The following DYNC2I1 variants were observed in gnomAD, a reference collection of about 807,000 sequenced individuals.
DYNC2I1 encodes dynein 2 intermediate chain 1.
In DYNC2I1, 89 loss-of-function variants were observed where a neutral mutation model predicts 133.4. The ratio of observed to expected loss-of-function variants is 0.67; its 90% CI spans 0.56 to 0.80. The LOEUF is 0.80. DYNC2I1 is among the 30% of genes least tolerant of loss of function. DYNC2I1 has a pLI of 0.00. For synonymous variants in DYNC2I1, 504 were observed against 484.3 expected (o/e 1.04, Z -0.54); for missense variants, 1,291 against 1,314.5 (o/e 0.98, Z 0.28).
chr7:158,918,782 C>T lies in DYNC2I1; in HGVS notation c.1834C>T (p.Pro612Ser), dbSNP rs1848733652. ...GGAAGAGGATCGCTTGGCAGCTGAA[C>T]CCAGCTGGAATCTTAGGGCTCAAGA... Reference protein sequence around the residue: ...LLEEDRLAAEPSWNLRAQDRA... With the variant: ...LLEEDRLAAESSWNLRAQDRA... The change falls in exon 15 of 25, where the codon CCC becomes TCC. Residue 612 changes from proline (P) to serine (S), a missense_variant. Physicochemically the swap from Pro to Ser is moderately conservative, Grantham distance 74. Coordinates refer to ENST00000407559, the MANE Select transcript of DYNC2I1 (RefSeq NM_018051.5). 1 of 1,613,706 alleles carries T rather than the reference C, an allele frequency of 6.2e-7. No homozygotes were observed. The highest frequency in any genetic ancestry group is 1.3e-5 in the African/African-American group (1 of 75,006).
chr7:158,953,518 C>G (rs1435931775), intron 4 of DYNC2I1, among the ~76,000 whole-genome samples: 1 of 152,132 alleles, frequency 6.6e-6, no homozygotes, highest in African/African-American at 2.4e-5. Flanking sequence ...TTTGGGAGGC[C>G]AAGACAGAGG....
intron 4 of DYNC2I1, among the ~76,000 whole-genome samples, chr7:158,952,646 A>G (rs558367374): frequency 4.3e-4 from 64 of 148,132 alleles, no homozygotes; most frequent in African/African-American, 1.1e-3. Context: ...CAGCCGCATC[A>G]TAAGACAGAA....
chr7:158,916,952 A>G (rs374103897), intron 14 of DYNC2I1, among the ~76,000 whole-genome samples: 1 of 67,208 alleles, frequency 1.5e-5, no homozygotes, highest in Non-Finnish European at 3.4e-5. Context: ...GCTGGTTGAC[A>G]TTAAGGATGA....
chr7:158,919,607 C>T (rs979536057), intron 15 of DYNC2I1, among the ~76,000 whole-genome samples: 2 of 152,148 alleles, frequency 1.3e-5, no homozygotes, highest in Non-Finnish European at 2.9e-5. Flanking sequence ...AAACGTGCTT[C>T]GGGGCACGTG....
At chr7:158,858,936 TCCTTTCCTCCCCTCCCCTCC>T (rs1301811283) in intron 1 of DYNC2I1, among the ~76,000 whole-genome samples, 7 of 21,930 alleles carry the variant, frequency 3.2e-4, no homozygotes, top group Admixed American at 1.0e-3. Flanking sequence ...CCCTCCCCTT[TCCTTTCCTCCCCTCCCCTCC>T]CCTTTCCTCC....
intron 12 of DYNC2I1, among the ~76,000 whole-genome samples, 169 bp downstream of exon 12, chr7:158,911,848 G>A (rs565978618): frequency 3.3e-5 from 5 of 152,320 alleles, no homozygotes; most frequent in South Asian, 4.1e-4. Flanking sequence ...CCATTCACCC[G>A]AGAGGCCGGG....
At chr7:158,916,344 A>G (rs796079601) in intron 14 of DYNC2I1, among the ~76,000 whole-genome samples, 1 of 83,706 alleles carries the variant, frequency 1.2e-5, no homozygotes, top group African/African-American at 4.1e-5. Flanking sequence ...GCTGGTTGAC[A>G]TTAAGGATGA....
At chr7:158,870,910 G>A (rs1842818354) in intron 2 of DYNC2I1, among the ~76,000 whole-genome samples, 3 of 152,148 alleles carry the variant, frequency 2.0e-5, no homozygotes, top group Non-Finnish European at 4.4e-5. Context: ...TGATATTGGG[G>A]CGCTGGTGGG....
chr7:158,918,749 G>A lies in DYNC2I1; in HGVS notation c.1801G>A (p.Val601Ile), dbSNP rs752711607. The change falls in exon 15 of 25, where the codon GTT (valine) becomes ATT (isoleucine). Residue 601 changes from valine (V) to isoleucine (I), a missense_variant. By Grantham distance (29) the Val-to-Ile change is conservative. Coordinates refer to ENST00000407559, the MANE Select transcript of DYNC2I1 (RefSeq NM_018051.5). ...CACTTATGTCTGACAGGTGATGGCC[G>A]TTTTGCTGGAAGAGGATCGCTTGGC... ...FLRAACQVMAVLLEEDRLAAE... is the reference protein window; with the variant it reads ...FLRAACQVMAILLEEDRLAAE... The A allele has an allele frequency of 1.7e-5, 27 of 1,613,512 alleles. No individual in the cohort carries two copies. Among genetic ancestry groups the A allele is most frequent in the East Asian group, 2.2e-5 (1 of 44,894 alleles).
chr7:158,873,365 C>G (rs1033067901), intron 3 of DYNC2I1, among the ~76,000 whole-genome samples: 7 of 152,152 alleles, frequency 4.6e-5, no homozygotes, highest in Admixed American at 3.3e-4. Flanking sequence ...AAACGAAGGG[C>G]CTTTACTCAT....
chr7:158,948,916 A>C (rs1044943926), downstream of DYNC2I1, among the ~76,000 whole-genome samples: 3 of 152,204 alleles, frequency 2.0e-5, no homozygotes, highest in African/African-American at 7.2e-5. Flanking sequence ...AATCTCACTA[A>C]AATGCTCAGG....
At chr7:158,923,223 A>T (rs1849267282) in intron 16 of DYNC2I1, among the ~76,000 whole-genome samples, 1 of 152,338 alleles carries the variant, frequency 6.6e-6, no homozygotes, top group East Asian at 1.9e-4. Flanking sequence ...GTAATACAAG[A>T]TGTAAATAAA....
At chr7:158,947,084 G>A (rs550312888), downstream of DYNC2I1, among the ~76,000 whole-genome samples, 28 of 152,344 alleles carry the variant, frequency 1.8e-4, no homozygotes, top group East Asian at 1.7e-3. Flanking sequence ...CTGCTACAGC[G>A]CCTGCTGTGT....
intron 8 of DYNC2I1, among the ~76,000 whole-genome samples, chr7:158,892,123 G>A (rs535323206): frequency 6.6e-6 from 1 of 152,318 alleles, no homozygotes; most frequent in Admixed American, 6.5e-5. Context: ...TCCTCACCTG[G>A]CTGAGTGCCT....
intron 6 of DYNC2I1, 44 bp downstream of exon 6, chr7:158,884,663 C>G (rs149990283): frequency 1.3e-6 from 2 of 1,599,336 alleles, no homozygotes; most frequent in African/African-American, 1.3e-5. Context: ...GTGTGCCGCT[C>G]TCATGGAATG....
At chr7:158,900,818 A>G (rs1846176599) in intron 8 of DYNC2I1, among the ~76,000 whole-genome samples, 1 of 149,078 alleles carries the variant, frequency 6.7e-6, no homozygotes, top group African/African-American at 2.5e-5. Context: ...TCAAGCACAG[A>G]GACTTTTCTT....
At chr7:158,907,425 C>T (rs1846946397) in intron 11 of DYNC2I1, among the ~76,000 whole-genome samples, 1 of 152,040 alleles carries the variant, frequency 6.6e-6, no homozygotes, top group African/African-American at 2.4e-5. Context: ...TTTTGAAAAA[C>T]AAGAAACTGA....
At chr7:158,850,729 C>T in the DYNC2I1 span, among the ~76,000 whole-genome samples, 2 of 152,130 alleles carry the variant, frequency 1.3e-5, no homozygotes, top group African/African-American at 2.4e-5. Flanking sequence ...AGAGAATTTC[C>T]GCTTGCTTTG....
At chr7:158,839,557 C>T in the DYNC2I1 span, among the ~76,000 whole-genome samples, 4 of 152,164 alleles carry the variant, frequency 2.6e-5, no homozygotes, top group Non-Finnish European at 5.9e-5. Context: ...CGGTGGTTCA[C>T]GCCTGTAATC....
Sources: gnomAD v4.1 joint callset for allele counts (sites outside exome capture counted in the v4.1 genomes callset) on GRCh38, gnomAD v4.1.1 for gene constraint, MANE v1.5 for transcripts, NCBI Gene and HGNC (gene_info 2026-07-23, HGNC 2026-07-21) for gene names.